The following ERP27 variants were observed in gnomAD, a reference collection of about 807,000 sequenced individuals.
ERP27 encodes the protein endoplasmic reticulum protein 27, also known as endoplasmic reticulum resident protein 27.
A neutral mutation model predicts 27.7 loss-of-function variants in ERP27; 23 were observed. The observed-to-expected ratio is 0.83, with a 90% confidence interval of 0.60 to 1.18. The LOEUF (loss-of-function observed/expected upper bound fraction) is 1.18, where lower values mean the gene tolerates loss of function less well. ERP27 is among the 50% of genes most tolerant of loss of function. The pLI is 0.00. For synonymous variants in ERP27, 159 were observed against 118.3 expected (o/e 1.34, Z -2.23); for missense variants, 363 against 327.9 (o/e 1.11, Z -0.83).
intron 3 of ERP27, among the ~76,000 whole-genome samples, chr12:14,934,154 C>T (rs929937230): frequency 6.6e-6 from 1 of 152,102 alleles, no homozygotes; most frequent in African/African-American, 2.4e-5. Flanking sequence ...GTGAGATTGG[C>T]CTGTTTATTG....
chr12:14,923,891 A>G (rs1863554267), intron 3 of ERP27, among the ~76,000 whole-genome samples: 1 of 152,216 alleles, frequency 6.6e-6, no homozygotes, highest in South Asian at 2.1e-4. Flanking sequence ...TTATTAAATT[A>G]CAATACAATA....
In ERP27 at chr12:14,923,182, G is replaced by A. The variant is rs376273118; in HGVS notation, c.334-2134C>T. On this transcript the variant is annotated intron_variant, in intron 3 of 6. Transcript: ENST00000266397. ...GATTGCTTGCATTAATTGGGGCATTGGTCTTCTACTGTCCTGGGTGTTTCT... is the reference window on the plus strand; with the variant it reads ...GATTGCTTGCATTAATTGGGGCATTAGTCTTCTACTGTCCTGGGTGTTTCT... 2.4e-4 allele frequency among the ~76,000 whole-genome samples: 36 copies of A among 151,992 alleles called. No homozygotes were observed. The South Asian group carries it at 3.7e-3, about 16-fold the overall frequency.
intron 4 of ERP27, among the ~76,000 whole-genome samples, chr12:14,917,601 C>T (rs1863432090): frequency 6.6e-6 from 1 of 152,166 alleles, no homozygotes; most frequent in African/African-American, 2.4e-5. Flanking sequence ...TTCTGCTCTT[C>T]TCTCTATCTC....
In ERP27 at chr12:14,934,881, C is replaced by T. The variant is rs780968465; in HGVS notation, c.308G>A (p.Gly103Glu). ...CAGGCGAAAGAGGCAGATGGTGTTC[C>T]CAGTGATGTTGTAGTGTGTCAGAAC... ...SEVLTHYNIT[G>E]NTICLFRLVD... The change falls in exon 3 of 7, where the codon GGG becomes GAG. Residue 103 changes from glycine to glutamate, a missense_variant. Gly to Glu is a moderately conservative substitution (Grantham distance 98, BLOSUM62 -2). Transcript: ENST00000266397. The T allele has an allele frequency of 1.2e-6, 2 of 1,613,864 alleles. No individual in the cohort carries two copies. The highest frequency in any genetic ancestry group is 1.7e-5 in the Admixed American group (1 of 59,992).
At position 14,929,471 on chromosome 12, in the gene ERP27, G is replaced by T. The variant is rs371759697; in HGVS notation, c.333+5385C>A. Among the ~76,000 whole-genome samples the T allele has an allele frequency of 3.9e-5, 6 of 152,234 alleles. No individual in the cohort carries two copies. In the East Asian group the frequency reaches 9.6e-4, roughly 24 times the overall value. On this transcript the variant is annotated intron_variant, in intron 3 of 6. Coordinates refer to ENST00000266397, the MANE Select transcript of ERP27 (RefSeq NM_152321.4). ...TCTCCCTCTGTAAAGGGAATTATTT[G>T]CATAATGCACTGGAAAGAAAATCCA... is the stretch of plus-strand genomic sequence containing the variant.
chr12:14,920,300 G>C (rs767870398), intron 4 of ERP27, among the ~76,000 whole-genome samples: 1 of 152,180 alleles, frequency 6.6e-6, no homozygotes, highest in Non-Finnish European at 1.5e-5. Context: ...CATGGTGAGG[G>C]TGTAGGCACT....
At chr12:14,918,709 C>A (rs183316678) in intron 4 of ERP27, among the ~76,000 whole-genome samples, 2 of 152,300 alleles carry the variant, frequency 1.3e-5, no homozygotes, top group Non-Finnish European at 2.9e-5. Context: ...TGATTTTTTA[C>A]ACAAGTTTGT....
At chr12:14,920,859 A>G in intron 4 of ERP27, 73 bp downstream of exon 4, 1 of 1,098,430 alleles carries the variant, frequency 9.1e-7, no homozygotes, top group Non-Finnish European at 1.4e-6. Flanking sequence ...GGAGGAAGAG[A>G]CCTCTGTTAT....
rs1863372775 is a variant in ERP27, at chr12:14,914,456, A to T, written c.*279T>A. The T allele has an allele frequency of 6.7e-6, 3 of 448,828 alleles. No homozygotes were observed. In the Admixed American group the frequency reaches 1.2e-4, roughly 18 times the overall value. The allele number at this position is 448,828 out of a possible 1,614,324, so 27.8% of individuals were successfully genotyped here. On this transcript the variant is annotated 3_prime_UTR_variant, in exon 7 of 7. Coordinates refer to ENST00000266397, the MANE Select transcript of ERP27 (RefSeq NM_152321.4). ...AGGTGTGTTACAGATGGGCTTACAGAGTATGAATGCACGATAAGAAGGAAA... is the reference window on the plus strand; with the variant it reads ...AGGTGTGTTACAGATGGGCTTACAGTGTATGAATGCACGATAAGAAGGAAA...
chr12:14,920,198 T>A lies in ERP27; in HGVS notation c.450+734A>T, dbSNP rs140293135. On this transcript the variant is annotated intron_variant, in intron 4 of 6. Coordinates refer to ENST00000266397, the MANE Select transcript of ERP27 (RefSeq NM_152321.4). The stretch of plus-strand genomic sequence containing the variant: ...TCTATAGAAAGTGTTAGAAGTCCAT[T>A]TGGTGATCAGGACAGGTGGAGCACC... Among the ~76,000 whole-genome samples the A allele has an allele frequency of 1.2e-3, 189 of 152,280 alleles. 2 individuals carry two copies. Among genetic ancestry groups the A allele is most frequent in the African/African-American group, 3.9e-3 (161 of 41,540 alleles).
At chr12:14,923,539 A>C (rs968638555) in intron 3 of ERP27, among the ~76,000 whole-genome samples, 98 of 115,000 alleles carry the variant, frequency 8.5e-4, no homozygotes, top group Non-Finnish European at 1.6e-3. Flanking sequence ...ATCTATCTAT[A>C]TTACCTATCT....
intron 5 of ERP27, among the ~76,000 whole-genome samples, chr12:14,916,748 AG>A (rs1023900505): frequency 6.6e-6 from 1 of 152,174 alleles, no homozygotes; most frequent in African/African-American, 2.4e-5. Context: ...AACTCCACAA[AG>A]GAGGGGAGGG....
rs1863750078 is a variant in ERP27 at position 14,934,797 on chromosome 12, T to A, written c.333+59A>T. ...AGAGTCCTTTCCAGTCTCACAAGTT[T>A]ATGAGTCCACAACCCAGTGAAAATC... is the stretch of plus-strand genomic sequence containing the variant. On this transcript the variant is annotated intron_variant, in intron 3 of 6. Coordinates refer to ENST00000266397, the MANE Select transcript of ERP27 (RefSeq NM_152321.4). The A allele has an allele frequency of 1.9e-6, 3 of 1,602,388 alleles. No homozygotes were observed. The Admixed American group carries it at 5.1e-5, about 27-fold the overall frequency.
At chr12:14,922,233 A>G (rs1417651964) in intron 3 of ERP27, among the ~76,000 whole-genome samples, 2 of 152,190 alleles carry the variant, frequency 1.3e-5, no homozygotes, top group Admixed American at 6.5e-5. Context: ...TCCAAAGTGG[A>G]TAATTTACAC....
Position 14,914,597 on chromosome 12 carries a change from T to A in ERP27, c.*138A>T. 1.6e-6 allele frequency: 1 copy of A among 631,884 alleles called. No homozygotes were observed. Among genetic ancestry groups the A allele is most frequent in the South Asian group, 1.9e-5 (1 of 52,076 alleles). The allele number at this position is 631,884 out of a possible 1,614,324, so 39.1% of individuals were successfully genotyped here. ...GTGTGTGCGTGTGTGTGTGCACGCG[T>A]GCGTGCGTGTGTGCACGTGCGTGTG... On this transcript the variant is annotated 3_prime_UTR_variant, in exon 7 of 7. Coordinates refer to ENST00000266397, the MANE Select transcript of ERP27 (RefSeq NM_152321.4).
In ERP27 at chr12:14,920,637, G is replaced by T. The variant is rs1863486588; in HGVS notation, c.450+295C>A. Among the ~76,000 whole-genome samples the T allele has an allele frequency of 2.0e-5, 3 of 152,186 alleles. No homozygotes were observed. In the South Asian group the frequency reaches 6.2e-4, roughly 32 times the overall value. ...TCCTCATGCTTTGGCCTCCCACAGT[G>T]CTGGGATTACATTTGTGAGCCACTG... On this transcript the variant is annotated intron_variant, in intron 4 of 6. Transcript: ENST00000266397.
intron 5 of ERP27, 119 bp from the exon 6 acceptor site, chr12:14,915,805 T>A: frequency 1.1e-6 from 1 of 895,344 alleles, no homozygotes; most frequent in Non-Finnish European, 1.7e-6. Flanking sequence ...ACCATGAAAT[T>A]GAAATCTTGA....
chr12:14,919,346 A>C (rs1442006180), intron 4 of ERP27, among the ~76,000 whole-genome samples: 1 of 152,172 alleles, frequency 6.6e-6, no homozygotes, highest in Non-Finnish European at 1.5e-5. Context: ...AATGAGAGAC[A>C]GATCAGGCAT....
chr12:14,925,314 T>C (rs895976898), intron 3 of ERP27, among the ~76,000 whole-genome samples: 33 of 152,084 alleles, frequency 2.2e-4, no homozygotes, highest in Non-Finnish European at 1.3e-4. Context: ...AGTGATGGGG[T>C]TCAGTTATAT....
Sources: allele counts gnomAD v4.1 joint callset (sites outside exome capture counted in the v4.1 genomes callset), GRCh38; gene constraint gnomAD v4.1.1; transcripts MANE v1.5; gene names NCBI Gene and HGNC (gene_info 2026-07-23, HGNC 2026-07-21).